Variants in WWOX observed in about 807,000 individuals in gnomAD.
The protein encoded by WWOX is WW domain containing oxidoreductase.
Under a neutral mutation model 46.2 loss-of-function variants are expected in WWOX, and 69 were observed. The observed-to-expected ratio is 1.49, with a 90% CI of 1.23 to 1.82. The LOEUF (loss-of-function observed/expected upper bound fraction) is 1.82. Among genes scored for constraint, WWOX ranks in the 40% most tolerant of loss-of-function variants. The probability of loss-of-function intolerance (pLI) is 0.00; values close to 1 mark genes in which losing one functional copy is unlikely to be tolerated. For missense variants in WWOX, 919 were observed against 542.6 expected (o/e 1.69, Z -6.89); for synonymous variants, 359 against 202.6 (o/e 1.77, Z -6.56).
chr16:78,245,960 T>C (rs1255697842), intron 5 of WWOX, among the ~76,000 whole-genome samples: 1 of 152,200 alleles, frequency 6.6e-6, no homozygotes, highest in Admixed American at 6.5e-5. Context: ...GTCCGTTCCA[T>C]ATTAAGAAGC....
intron 8 of WWOX, among the ~76,000 whole-genome samples, chr16:78,868,539 A>G (rs564623751): frequency 9.2e-5 from 14 of 152,342 alleles, no homozygotes; most frequent in African/African-American, 3.1e-4. Context: ...TCACATTAAT[A>G]AAGTCATAAA....
chr16:78,655,476 C>A (rs903281937), intron 8 of WWOX, among the ~76,000 whole-genome samples: 4 of 152,134 alleles, frequency 2.6e-5, no homozygotes, highest in East Asian at 1.9e-4. Flanking sequence ...AGTGTGCAGC[C>A]TTTTGTCTGC....
intron 8 of WWOX, among the ~76,000 whole-genome samples, chr16:78,561,716 G>C (rs1225635278): frequency 6.6e-6 from 1 of 152,198 alleles, no homozygotes; most frequent in Non-Finnish European, 1.5e-5. Context: ...GTTAGGTAGA[G>C]CGCCTTATAG....
At chr16:79,015,902 C>T (rs1597280445) in intron 8 of WWOX, among the ~76,000 whole-genome samples, 1 of 152,230 alleles carries the variant, frequency 6.6e-6, no homozygotes, top group Non-Finnish European at 1.5e-5. Context: ...AGGCATGTGC[C>T]ACCACTCACA....
At chr16:78,905,538 C>T (rs1384015725) in intron 8 of WWOX, among the ~76,000 whole-genome samples, 1 of 152,126 alleles carries the variant, frequency 6.6e-6, no homozygotes, top group African/African-American at 2.4e-5. Flanking sequence ...TGTTCCACCA[C>T]ACCTAGTTAA....
chr16:78,664,869 A>T (rs1222096361), intron 8 of WWOX, among the ~76,000 whole-genome samples: 2 of 152,220 alleles, frequency 1.3e-5, no homozygotes, highest in East Asian at 3.8e-4. Context: ...TGTGCGTAAA[A>T]CGGAATTTGC....
At chr16:78,649,616 T>C (rs542401306) in intron 8 of WWOX, among the ~76,000 whole-genome samples, 87 of 152,330 alleles carry the variant, frequency 5.7e-4, no homozygotes, top group African/African-American at 2.0e-3. Context: ...CCTTGGCCTT[T>C]CCCACCTCTT....
chr16:78,523,730 T>C (rs879127005), intron 8 of WWOX, among the ~76,000 whole-genome samples: 5 of 152,200 alleles, frequency 3.3e-5, no homozygotes, highest in Admixed American at 3.3e-4. Context: ...GATGCTCCGT[T>C]TTCCCGCATA....
chr16:78,684,056 T>A (rs1209081933), intron 8 of WWOX, among the ~76,000 whole-genome samples: 1 of 152,178 alleles, frequency 6.6e-6, no homozygotes, highest in Non-Finnish European at 1.5e-5. Context: ...TCCCTCACAG[T>A]TTTGGCTCGC....
chr16:78,457,800 C>T (rs551765799), intron 8 of WWOX, among the ~76,000 whole-genome samples: 1 of 151,006 alleles, frequency 6.6e-6, no homozygotes, highest in South Asian at 2.1e-4. Context: ...CCTGTAGTCC[C>T]AGCTACTTGG....
At chr16:78,771,773 CAATAAATA>C (rs60862470) in intron 8 of WWOX, among the ~76,000 whole-genome samples, 16,098 of 144,302 alleles carry the variant, frequency 0.11, 934 homozygotes, top group African/African-American at 0.12. Flanking sequence ...CTCTGTCTCA[CAATAAATA>C]AATAAATAAA....
intron 8 of WWOX, among the ~76,000 whole-genome samples, chr16:78,669,274 G>C (rs899046147): frequency 6.6e-6 from 1 of 152,236 alleles, no homozygotes; most frequent in East Asian, 1.9e-4. Context: ...GTGTCCCATG[G>C]CAGTGCCTAA....
chr16:78,241,280 A>AT (rs1799840218), intron 5 of WWOX: 6 of 131,404 alleles, frequency 4.6e-5, no homozygotes, highest in Admixed American at 3.0e-4. Context: ...TATTATTATC[A>AT]TTTGTGTTTT....
chr16:78,972,235 A>C (rs897835926), intron 8 of WWOX, among the ~76,000 whole-genome samples: 1 of 152,146 alleles, frequency 6.6e-6, no homozygotes, highest in African/African-American at 2.4e-5. Flanking sequence ...AAAGAGCCAA[A>C]TTTAAATTCA....
Position 78,657,960 on chromosome 16 carries a change from C to G in WWOX, c.1056+225208C>G, listed in dbSNP as rs184271427. 6.0e-4 allele frequency among the ~76,000 whole-genome samples: 92 copies of G among 152,196 alleles called. 2 individuals carry two copies. Among genetic ancestry groups the G allele is most frequent in the Admixed American group, 5.4e-3 (83 of 15,290 alleles). On this transcript the variant is annotated intron_variant, in intron 8 of 8. Transcript: ENST00000566780. The stretch of plus-strand genomic sequence containing the variant: ...TTTTGTTCTCACCTTGGGAAGTGGA[C>G]TCAGAGGCCAAGTGACTTTGATTTT...
chr16:78,481,743 G>C (rs2084494572), intron 8 of WWOX, among the ~76,000 whole-genome samples: 1 of 150,360 alleles, frequency 6.7e-6, no homozygotes, highest in South Asian at 2.1e-4. Context: ...GTGTGTGTGT[G>C]TGTGTGTGTG....
intron 8 of WWOX, among the ~76,000 whole-genome samples, chr16:79,195,755 G>T (rs2051227512): frequency 6.6e-6 from 1 of 152,210 alleles, no homozygotes; most frequent in Admixed American, 6.5e-5. Context: ...GTGTTTTGGG[G>T]AAACACTCCA....
intron 8 of WWOX, among the ~76,000 whole-genome samples, chr16:78,514,583 G>A (rs1157201518): frequency 6.6e-6 from 1 of 152,150 alleles, no homozygotes; most frequent in Non-Finnish European, 1.5e-5. Context: ...TTCCTTGACC[G>A]ATAAGTGTAC....
At chr16:78,799,434 T>C (rs1333968880) in intron 8 of WWOX, among the ~76,000 whole-genome samples, 3 of 152,232 alleles carry the variant, frequency 2.0e-5, no homozygotes, top group Non-Finnish European at 2.9e-5. Context: ...AAGGTTTTCT[T>C]ATGAAACTGA....
Sources: gnomAD v4.1 joint callset for allele counts (sites outside exome capture counted in the v4.1 genomes callset) on GRCh38, gnomAD v4.1.1 for gene constraint, MANE v1.5 for transcripts, NCBI Gene and HGNC (gene_info 2026-07-23, HGNC 2026-07-21) for gene names.